Variants in ZNF287 observed in about 807,000 individuals in gnomAD.
ZNF287 encodes the protein zinc finger protein 287.
A neutral mutation model predicts 73.7 loss-of-function variants in ZNF287; 31 were observed. That is an observed-to-expected ratio of 0.42 (90% CI 0.32 to 0.57). The LOEUF is 0.57. Among genes scored for constraint, ZNF287 ranks in the 20% least tolerant of loss-of-function variants. The pLI is 0.13. For synonymous variants in ZNF287, 301 were observed against 307.2 expected, an observed-to-expected ratio of 0.98 and a Z score of 0.21; for missense variants, 641 against 909.3, an observed-to-expected ratio of 0.70 and a Z score of 3.79.
At chr17:16,554,049 A>G (rs140715457) in intron 5 of ZNF287, among the ~76,000 whole-genome samples, 152 of 152,324 alleles carry the variant, frequency 1.0e-3, no homozygotes, top group Middle Eastern at 3.4e-3. Context: ...CAGTTTTGCT[A>G]CATACCAAAG....
At chr17:16,557,407 TA>T (rs906944290) in intron 5 of ZNF287, among the ~76,000 whole-genome samples, 3 of 151,976 alleles carry the variant, frequency 2.0e-5, no homozygotes, top group African/African-American at 7.2e-5. Context: ...TAAAGAACAA[TA>T]AACCATAAAA....
At chr17:16,558,852 C>G (rs1317909090) in intron 5 of ZNF287, 1 of 152,178 alleles carries the variant, frequency 6.6e-6, no homozygotes, top group Non-Finnish European at 1.5e-5. Flanking sequence ...TGGCACACAC[C>G]TGTAGTCCTA....
chr17:16,548,522 G>C lies in ZNF287; in HGVS notation c.*3334C>G, dbSNP rs999700720. On this transcript the variant is annotated 3_prime_UTR_variant, in exon 6 of 6. Transcript: ENST00000395825. ...CTCTTAAAGAGGAAAAACTGTCCGG[G>C]CGCGGTGGTTCACGCCTGTAATGCC... Among the ~76,000 whole-genome samples, 6 of 152,128 alleles carry C rather than the reference G, an allele frequency of 3.9e-5. No homozygotes were observed. The highest frequency in any genetic ancestry group is 4.4e-5 in the Non-Finnish European group (3 of 68,028).
chr17:16,555,051 T>G (rs1040108061), intron 5 of ZNF287, among the ~76,000 whole-genome samples: 1 of 152,216 alleles, frequency 6.6e-6, no homozygotes, highest in African/African-American at 2.4e-5. Flanking sequence ...ATGACAGAAT[T>G]TGGCTTTATA....
intron 5 of ZNF287, among the ~76,000 whole-genome samples, chr17:16,559,723 G>C (rs1438112572): frequency 6.6e-6 from 1 of 152,164 alleles, no homozygotes; most frequent in Non-Finnish European, 1.5e-5. Flanking sequence ...GTTCCTTAGA[G>C]AAATCCCAAG....
chr17:16,566,612 G>A lies in ZNF287; in HGVS notation c.414C>T (p.Asn138=). ...TQILEEEAPQ[N]STLSQDTPEE... is the part of the protein sequence containing the mutation. ...CTGGGGTATCTTGGGAAAGGGTAGA[G>A]TTTTGAGGAGCTAGAGAAGAGAAAG... The change falls in exon 3 of 6, where the codon AAC becomes AAT. Residue 138 remains asparagine, a synonymous_variant. Coordinates refer to ENST00000395825, the MANE Select transcript of ZNF287 (RefSeq NM_020653.4). The A allele has an allele frequency of 1.2e-6, 2 of 1,611,890 alleles. No individual in the cohort carries two copies. Among genetic ancestry groups the A allele is most frequent in the South Asian group, 1.1e-5 (1 of 90,616 alleles).
At chr17:16,558,025 C>T (rs939164811) in intron 5 of ZNF287, 3 of 152,142 alleles carry the variant, frequency 2.0e-5, no homozygotes, top group African/African-American at 7.2e-5. Flanking sequence ...GTTAAAGTGA[C>T]TTCAGACTGC....
Position 16,548,950 on chromosome 17 carries a change from A to T in ZNF287, c.*2906T>A, listed in dbSNP as rs1489232087. On this transcript the variant is annotated 3_prime_UTR_variant, in exon 6 of 6. Transcript: ENST00000395825. ...GGGAATTACTATTTGTTTTTTTTTT[A>T]AAGGTATGTAAATGTATTGTGGTTA... is the stretch of plus-strand genomic sequence containing the variant. Among the ~76,000 whole-genome samples the T allele has an allele frequency of 1.3e-5, 2 of 151,502 alleles. No individual in the cohort carries two copies. The highest frequency in any genetic ancestry group is 6.6e-5 in the Admixed American group (1 of 15,190).
In ZNF287 at chr17:16,551,838, T is replaced by C. The variant is rs1183276336; in HGVS notation, c.*18A>G. ...TTGAAACAAAGTTGTAAAACCGAAT[T>C]GAAGTTTCCCTTATCCATTAATTAC... On this transcript the variant is annotated 3_prime_UTR_variant, in exon 6 of 6. Transcript: ENST00000395825. The C allele has an allele frequency of 2.6e-6, 4 of 1,549,278 alleles. No homozygotes were observed. The highest frequency in any genetic ancestry group is 3.5e-6 in the Non-Finnish European group (4 of 1,150,206).
At chr17:16,565,156 G>A (rs2142502905) in intron 3 of ZNF287, among the ~76,000 whole-genome samples, 1 of 151,854 alleles carries the variant, frequency 6.6e-6, no homozygotes, top group Non-Finnish European at 1.5e-5. Flanking sequence ...AGAAGTTTAA[G>A]ACCAGCCTGG....
At position 16,551,826 on chromosome 17, in the gene ZNF287, G is replaced by C. The variant is rs1906680808; in HGVS notation, c.*30C>G. ...CACAAAACAAAATTGAAACAAAGTT[G>C]TAAAACCGAATTGAAGTTTCCCTTA... On this transcript the variant is annotated 3_prime_UTR_variant, in exon 6 of 6. Coordinates refer to ENST00000395825, the MANE Select transcript of ZNF287 (RefSeq NM_020653.4). 2.6e-6 allele frequency: 4 copies of C among 1,539,764 alleles called. No homozygotes were observed. Among genetic ancestry groups the C allele is most frequent in the Non-Finnish European group, 3.5e-6 (4 of 1,146,000 alleles).
At chr17:16,562,249 AAG>A (rs1453370972) in intron 5 of ZNF287, among the ~76,000 whole-genome samples, 3 of 151,798 alleles carry the variant, frequency 2.0e-5, no homozygotes. Flanking sequence ...GATATAAAAA[AAG>A]AAATGAGGAA....
In ZNF287 at chr17:16,549,172, C is replaced by A. The variant is rs1331097037; in HGVS notation, c.*2684G>T. Among the ~76,000 whole-genome samples the A allele has an allele frequency of 6.6e-6, 1 of 152,062 alleles. No individual in the cohort carries two copies. Among genetic ancestry groups the A allele is most frequent in the Admixed American group, 6.5e-5 (1 of 15,272 alleles). On this transcript the variant is annotated 3_prime_UTR_variant, in exon 6 of 6. Coordinates refer to ENST00000395825, the MANE Select transcript of ZNF287 (RefSeq NM_020653.4). The stretch of plus-strand genomic sequence containing the variant: ...ATTTGAAAACTCATAATAAAAAGTT[C>A]TGGAAAATAAGGCTATTTGCTAAAA...
Position 16,548,191 on chromosome 17 carries a change from T to G in ZNF287, c.*3665A>C, listed in dbSNP as rs151284128. 6.6e-5 allele frequency among the ~76,000 whole-genome samples: 10 copies of G among 152,360 alleles called. No homozygotes were observed. Among genetic ancestry groups the G allele is most frequent in the African/African-American group, 2.2e-4 (9 of 41,582 alleles). On this transcript the variant is annotated 3_prime_UTR_variant, in exon 6 of 6. Coordinates refer to ENST00000395825, the MANE Select transcript of ZNF287 (RefSeq NM_020653.4). ...GTTGTTGGCAATCAAAATATCCATG[T>G]GCTGCCAGTGTCAGTCCACAGATTA...
chr17:16,559,860 T>C (rs945377397), intron 5 of ZNF287, among the ~76,000 whole-genome samples: 1 of 152,172 alleles, frequency 6.6e-6, no homozygotes, highest in African/African-American at 2.4e-5. Context: ...AGTGCCCAAA[T>C]TTGGGACAAT....
rs1274986883 is a variant in ZNF287 at position 16,550,596 on chromosome 17, T to TCAA, written c.*1257_*1259dup. Among the ~76,000 whole-genome samples the TCAA allele has an allele frequency of 6.6e-6, 1 of 152,186 alleles. No homozygotes were observed. Among genetic ancestry groups the TCAA allele is most frequent in the Non-Finnish European group, 1.5e-5 (1 of 68,032 alleles). ...ACCCATTTTAGCAGGTTGCTTATGC[T>TCAA]CAACCCATGACAAAATATCACATCC... On this transcript the variant is annotated 3_prime_UTR_variant, in exon 6 of 6. Coordinates refer to ENST00000395825, the MANE Select transcript of ZNF287 (RefSeq NM_020653.4).
Position 16,553,173 on chromosome 17 carries a change from C to A in ZNF287, c.969G>T (p.Lys323Asn). Residue 323 changes from lysine (K) to asparagine (N), a missense_variant, in exon 6 of 6, where the codon AAG becomes AAT. Lys to Asn is a moderately conservative substitution (Grantham distance 94, BLOSUM62 0). Coordinates refer to ENST00000395825, the MANE Select transcript of ZNF287 (RefSeq NM_020653.4). Reference sequence around the variant, plus strand: ...CAAACTGTACAATTAGGTTTGAATGCTTTTCAAAATTATTTCTATATATAT... The same window carrying A: ...CAAACTGTACAATTAGGTTTGAATGATTTTCAAAATTATTTCTATATATAT... Reference protein sequence around the residue: ...KYDIYRNNFEKHSNLIVQFDT... With the variant: ...KYDIYRNNFENHSNLIVQFDT... 1 of 1,605,120 alleles carries A rather than the reference C, an allele frequency of 6.2e-7. No individual in the cohort carries two copies. The highest frequency in any genetic ancestry group is 8.5e-7 in the Non-Finnish European group (1 of 1,172,158).
intron 3 of ZNF287, among the ~76,000 whole-genome samples, chr17:16,565,411 C>A (rs1224073717): frequency 1.3e-5 from 2 of 150,302 alleles, no homozygotes; most frequent in East Asian, 3.9e-4. Flanking sequence ...TATCATTTAT[C>A]TCATTTTTAT....
chr17:16,553,863 A>C (rs560666141), intron 5 of ZNF287, among the ~76,000 whole-genome samples: 2 of 152,202 alleles, frequency 1.3e-5, no homozygotes, highest in Non-Finnish European at 2.9e-5. Context: ...TCTATGCTCA[A>C]ATATCTCTAG....
Sources: allele counts gnomAD v4.1 joint callset (sites outside exome capture counted in the v4.1 genomes callset), GRCh38; gene constraint gnomAD v4.1.1; transcripts MANE v1.5; gene names NCBI Gene and HGNC (gene_info 2026-07-23, HGNC 2026-07-21).